Variants in MMD2 observed in about 807,000 individuals in gnomAD.
The protein encoded by MMD2 is monocyte to macrophage differentiation factor 2.
A neutral mutation model predicts 33.5 loss-of-function variants in MMD2; 30 were observed. The observed-to-expected ratio is 0.90, with a 90% CI of 0.67 to 1.22. MMD2 has a LOEUF of 1.22. MMD2 is among the 50% of genes most tolerant of loss of function. The pLI, the probability that MMD2 is intolerant of heterozygous loss-of-function variation, is 0.00. For synonymous variants in MMD2, 129 were observed against 123.0 expected, an observed-to-expected ratio of 1.05 and a Z score of -0.32; for missense variants, 364 against 325.4, an observed-to-expected ratio of 1.12 and a Z score of -0.91.
Position 4,916,017 on chromosome 7 carries a change from G to A in MMD2, c.353C>T (p.Ser118Phe), listed in dbSNP as rs758861281. Residue 118 changes from serine to phenylalanine, a missense_variant, in exon 4 of 7, where the codon TCC becomes TTC. Ser to Phe is a radical substitution (Grantham distance 155). Transcript: ENST00000401401. ...GGACGGTACTCACCAGGGTGCGTAGGAAGCCGCTATGAAGAAATAGATGAC... is the reference window on the plus strand; with the variant it reads ...GGACGGTACTCACCAGGGTGCGTAGAAAGCCGCTATGAAGAAATAGATGAC... ...RMVIYFFIAA[S>F]YAPWLNLREL... The A allele has an allele frequency of 6.2e-7, 1 of 1,613,714 alleles. No homozygotes were observed. Among genetic ancestry groups the A allele is most frequent in the Non-Finnish European group, 8.5e-7 (1 of 1,179,878 alleles).
chr7:4,909,763 G>A (rs763045061), intron 6 of MMD2, 118 bp downstream of exon 6: 4 of 1,367,060 alleles, frequency 2.9e-6, no homozygotes, highest in East Asian at 5.0e-5. Flanking sequence ...GTCATGCCAG[G>A]CCTCAGTTTC....
intron 3 of MMD2, among the ~76,000 whole-genome samples, chr7:4,919,706 C>T (rs563111061): frequency 3.3e-5 from 5 of 152,106 alleles, no homozygotes; most frequent in African/African-American, 4.8e-5. Flanking sequence ...GCCAACATGG[C>T]GAAACCCCAT....
At position 4,958,983 on chromosome 7, in the gene MMD2, G is replaced by A. The variant is rs771747374; in HGVS notation, c.35C>T (p.Thr12Met). 7.8e-7 allele frequency: 1 copy of A among 1,286,762 alleles called. No individual in the cohort carries two copies. The highest frequency in any genetic ancestry group is 4.1e-5 in the Admixed American group (1 of 24,332). The allele number at this position is 1,286,762 out of a possible 1,614,324, so 79.7% of individuals were successfully genotyped here. Residue 12 changes from threonine (T) to methionine (M), a missense_variant, in exon 1 of 7, where the codon ACG becomes ATG. Thr to Met is a moderately conservative substitution (Grantham distance 81). Coordinates refer to ENST00000401401, the MANE Select transcript of MMD2 (RefSeq NM_198403.4). ...FAPRLLDFQK[T>M]KYARFMNHRV... ...GGCCGCCGCTCACCTCGCGTATTTC[G>A]TCTTCTGGAAATCCAGCAGCCGGGG... is the stretch of plus-strand genomic sequence containing the variant.
downstream of MMD2, chr7:4,905,854 G>A (rs1261001063): frequency 6.5e-6 from 1 of 152,696 alleles, no homozygotes; most frequent in Non-Finnish European, 1.5e-5. The surrounding 1 kb of genome is among the most constrained non-coding windows in gnomAD (Gnocchi z 5.0). Context: ...CAGGCATTAG[G>A]AGTGCCTGTG....
At chr7:4,938,202 G>C (rs1250426735) in intron 1 of MMD2, among the ~76,000 whole-genome samples, 1 of 151,098 alleles carries the variant, frequency 6.6e-6, no homozygotes, top group Non-Finnish European at 1.5e-5. Context: ...GTAGAGACGG[G>C]GTTTTGCCAT....
At chr7:4,927,283 G>A (rs190223632) in intron 1 of MMD2, among the ~76,000 whole-genome samples, 75 of 152,018 alleles carry the variant, frequency 4.9e-4, no homozygotes, top group Admixed American at 2.2e-3. Context: ...AGTGGCTCAC[G>A]CCCGTAATCC....
At chr7:4,941,073 G>T (rs1303312252) in intron 1 of MMD2, among the ~76,000 whole-genome samples, 1 of 152,198 alleles carries the variant, frequency 6.6e-6, no homozygotes, top group African/African-American at 2.4e-5. Context: ...GGGGTTAGGA[G>T]GAGGGGTCGC....
At position 4,959,020 on chromosome 7, in the gene MMD2, C is replaced by A; in HGVS notation, c.-3G>T. On this transcript the variant is annotated 5_prime_UTR_variant, in exon 1 of 7. Coordinates refer to ENST00000401401, the MANE Select transcript of MMD2 (RefSeq NM_198403.4). ...TCCAGCAGCCGGGGGGCGAACATCG[C>A]GGCGCTTCCATGGGAATCTGGCCCC... 9 of 1,267,322 alleles carry A rather than the reference C, an allele frequency of 7.1e-6. No individual in the cohort carries two copies. The highest frequency in any genetic ancestry group is 9.0e-6 in the Non-Finnish European group (9 of 998,486). The allele number at this position is 1,267,322 out of a possible 1,614,324, so 78.5% of individuals were successfully genotyped here.
intron 1 of MMD2, among the ~76,000 whole-genome samples, chr7:4,956,331 C>T (rs1786381254): frequency 6.6e-6 from 1 of 151,670 alleles, no homozygotes; most frequent in African/African-American, 2.4e-5. Context: ...GAGGCTGAGA[C>T]AGGAGAATCA....
chr7:4,956,154 G>T (rs1183640389), intron 1 of MMD2, among the ~76,000 whole-genome samples: 1 of 152,122 alleles, frequency 6.6e-6, no homozygotes, highest in Non-Finnish European at 1.5e-5. Flanking sequence ...TGGGTGCAGT[G>T]GCTCATGCCT....
chr7:4,943,646 G>T (rs1583394807), intron 1 of MMD2, among the ~76,000 whole-genome samples: 1 of 152,148 alleles, frequency 6.6e-6, no homozygotes, highest in Non-Finnish European at 1.5e-5. Context: ...TAGCCCTGCA[G>T]TCCAGCCCTG....
At chr7:4,933,798 A>T (rs1785660497) in intron 1 of MMD2, among the ~76,000 whole-genome samples, 1 of 151,754 alleles carries the variant, frequency 6.6e-6, no homozygotes, top group African/African-American at 2.4e-5. Flanking sequence ...ATGCCTGGTT[A>T]ATTTTTAAAT....
At chr7:4,920,127 C>A in intron 3 of MMD2, 44 bp downstream of exon 3, 2 of 1,543,060 alleles carry the variant, frequency 1.3e-6, no homozygotes, top group South Asian at 1.2e-5. Context: ...GTCCCCCTGC[C>A]CCGACCCCCT....
At chr7:4,924,191 C>CA (rs1325700653) in intron 2 of MMD2, among the ~76,000 whole-genome samples, 13 of 151,654 alleles carry the variant, frequency 8.6e-5, no homozygotes, top group African/African-American at 2.9e-4. Flanking sequence ...GACTTCGTCT[C>CA]AAAAAAAACA....
chr7:4,939,429 G>C (rs530261775), intron 1 of MMD2, among the ~76,000 whole-genome samples: 1 of 152,060 alleles, frequency 6.6e-6, no homozygotes, highest in African/African-American at 2.4e-5. Context: ...TGTGGGCTCA[G>C]CTGCCCAGGA....
At chr7:4,958,231 T>C (rs939463851) in intron 1 of MMD2, among the ~76,000 whole-genome samples, 1 of 152,148 alleles carries the variant, frequency 6.6e-6, no homozygotes, top group Non-Finnish European at 1.5e-5. Context: ...GGATTTTTCA[T>C]GCCAGCTTCC....
At chr7:4,923,558 C>A (rs967171160) in intron 2 of MMD2, among the ~76,000 whole-genome samples, 12 of 152,120 alleles carry the variant, frequency 7.9e-5, no homozygotes, top group African/African-American at 2.9e-4. Flanking sequence ...AACTGAGGCT[C>A]AGGGCCACTA....
chr7:4,920,245 G>A lies in MMD2; in HGVS notation c.216C>T (p.Tyr72=), dbSNP rs185952853. Residue 72 remains tyrosine, a synonymous_variant, in exon 3 of 7, where the codon TAC becomes TAT. Coordinates refer to ENST00000401401, the MANE Select transcript of MMD2 (RefSeq NM_198403.4). The part of the protein sequence containing the change: ...DDWETISAWI[Y]GLGLCGLFVV... ...CGAAGAGGCCGCAGAGGCCGAGGCC[G>A]TAGATCCAGGCAGAGATGGTCTCCC... 1,499 of 1,598,758 alleles carry A rather than the reference G, an allele frequency of 9.4e-4. 1 individual carries two copies. Among genetic ancestry groups the A allele is most frequent in the Non-Finnish European group, 1.2e-3 (1,440 of 1,173,316 alleles).
At chr7:4,904,892 C>T (rs79463007), downstream of MMD2, among the ~76,000 whole-genome samples, 7,872 of 152,246 alleles carry the variant, frequency 0.052, 298 homozygotes, top group Non-Finnish European at 0.08. Context: ...GCTGTGACGC[C>T]GGAGGGCAGG....
Sources: allele counts gnomAD v4.1 joint callset (sites outside exome capture counted in the v4.1 genomes callset), GRCh38; gene constraint gnomAD v4.1.1; non-coding constraint Gnocchi (gnomAD v3.1); transcripts MANE v1.5; gene names NCBI Gene and HGNC (gene_info 2026-07-23, HGNC 2026-07-21).